Variants in SCFD2 observed in about 807,000 individuals in gnomAD.
The protein encoded by SCFD2 is sec1 family domain-containing protein 2.
A neutral mutation model predicts 58.9 loss-of-function variants in SCFD2; 54 were observed. The observed-to-expected ratio is 0.92, with a 90% CI of 0.74 to 1.15. The LOEUF is 1.15. Among genes scored for constraint, SCFD2 ranks in the 50% most tolerant of loss-of-function variants. The pLI, the probability that SCFD2 is intolerant of heterozygous loss-of-function variation, is 0.00. For synonymous variants in SCFD2, 321 were observed against 335.9 expected, an observed-to-expected ratio of 0.96 and a Z score of 0.49; for missense variants, 805 against 836.6, an observed-to-expected ratio of 0.96 and a Z score of 0.47.
chr4:53,154,480 C>A (rs1280202349), intron 4 of SCFD2, among the ~76,000 whole-genome samples: 2 of 152,188 alleles, frequency 1.3e-5, no homozygotes, highest in Non-Finnish European at 1.5e-5. Context: ...AGGGATCTGC[C>A]CTCATGATCC....
intron 3 of SCFD2, among the ~76,000 whole-genome samples, chr4:53,303,074 T>C (rs1224416207): frequency 6.6e-6 from 1 of 152,108 alleles, no homozygotes; most frequent in African/African-American, 2.4e-5. Flanking sequence ...CCAAAAGCAA[T>C]GGCAACAAAA....
At chr4:53,230,237 A>T (rs1729389390) in intron 4 of SCFD2, among the ~76,000 whole-genome samples, 1 of 152,326 alleles carries the variant, frequency 6.6e-6, no homozygotes, top group African/African-American at 2.4e-5. Flanking sequence ...ATCTAGAACT[A>T]GAAATACCAT....
chr4:53,000,551 G>T (rs1560506292), intron 5 of SCFD2, among the ~76,000 whole-genome samples: 2 of 152,256 alleles, frequency 1.3e-5, no homozygotes, highest in East Asian at 3.9e-4. Flanking sequence ...GCCAGATTGT[G>T]TACAGAGGAG....
intron 5 of SCFD2, among the ~76,000 whole-genome samples, chr4:52,931,401 G>T (rs1375100165): frequency 6.6e-6 from 1 of 152,120 alleles, no homozygotes; most frequent in Non-Finnish European, 1.5e-5. Context: ...AACTGCTTTC[G>T]TCTTCTGAAC....
At chr4:53,062,477 T>G (rs1381825588) in intron 5 of SCFD2, among the ~76,000 whole-genome samples, 6 of 152,160 alleles carry the variant, frequency 3.9e-5, no homozygotes, top group Admixed American at 3.3e-4. Context: ...TAGACAACAG[T>G]TGATTTAGAA....
chr4:52,996,434 T>TA (rs1192574339), intron 5 of SCFD2, among the ~76,000 whole-genome samples: 2 of 152,276 alleles, frequency 1.3e-5, no homozygotes, highest in Non-Finnish European at 2.9e-5. Context: ...TTTCCCTTTT[T>TA]AAAAGCTGTT....
intron 5 of SCFD2, among the ~76,000 whole-genome samples, chr4:53,036,674 C>G (rs924512841): frequency 6.6e-6 from 1 of 151,822 alleles, no homozygotes; most frequent in African/African-American, 2.4e-5. Flanking sequence ...AGGGGAACAT[C>G]ACACGCCGGG....
intron 4 of SCFD2, among the ~76,000 whole-genome samples, chr4:53,198,016 G>C (rs1001412639): frequency 8.6e-5 from 13 of 152,012 alleles, no homozygotes; most frequent in African/African-American, 3.1e-4. Context: ...GGCTTCCAAT[G>C]ACTTAACAAA....
In SCFD2 at chr4:53,065,010, T is replaced by A. The variant is rs78298114; in HGVS notation, c.1561+80323A>T. On this transcript the variant is annotated intron_variant, in intron 5 of 8. Coordinates refer to ENST00000401642, the MANE Select transcript of SCFD2 (RefSeq NM_152540.4). The stretch of plus-strand genomic sequence containing the variant: ...TGTGTGCTTTATTTTTGAAAGCATG[T>A]TGCTTTTTAGAAAAGAGCCAAAGTT... Among the ~76,000 whole-genome samples the A allele has an allele frequency of 8.3e-3, 1,270 of 152,208 alleles. 12 individuals are homozygous for A. Among genetic ancestry groups the A allele is most frequent in the African/African-American group, 0.028 (1,176 of 41,562 alleles).
intron 5 of SCFD2, among the ~76,000 whole-genome samples, chr4:52,921,788 G>C (rs1389758265): frequency 6.6e-6 from 1 of 151,984 alleles, no homozygotes; most frequent in Non-Finnish European, 1.5e-5. Flanking sequence ...CAGGCAGTTA[G>C]TCTGTCTGTC....
At chr4:53,119,714 C>T (rs1306810937) in intron 5 of SCFD2, among the ~76,000 whole-genome samples, 1 of 152,134 alleles carries the variant, frequency 6.6e-6, no homozygotes, top group Non-Finnish European at 1.5e-5. Context: ...TTCCAAACCC[C>T]TGAAGAGTGC....
At position 53,257,941 on chromosome 4, in the gene SCFD2, TC is replaced by T. The variant is rs1195001917; in HGVS notation, c.1311+15884del. Among the ~76,000 whole-genome samples the T allele has an allele frequency of 2.6e-5, 4 of 151,938 alleles. No individual in the cohort carries two copies. The East Asian group carries it at 7.7e-4, about 29-fold the overall frequency. On this transcript the variant is annotated intron_variant, in intron 4 of 8. Coordinates refer to ENST00000401642, the MANE Select transcript of SCFD2 (RefSeq NM_152540.4). The stretch of plus-strand genomic sequence containing the variant: ...AAACAGGATCAATAAAGAAAAAAAG[TC>T]CCTCCCTACATGTTATGAGATAGGG...
At chr4:53,214,703 T>A (rs1728752294) in intron 4 of SCFD2, among the ~76,000 whole-genome samples, 1 of 152,148 alleles carries the variant, frequency 6.6e-6, no homozygotes, top group African/African-American at 2.4e-5. Flanking sequence ...TTGCTTTCGG[T>A]GTTTTAGACA....
At position 53,313,739 on chromosome 4, in the gene SCFD2, C is replaced by G. The variant is rs367954002; in HGVS notation, c.1032G>C (p.Trp344Cys). The change falls in exon 3 of 9, where the codon TGG (tryptophan) becomes TGC (cysteine). Residue 344 changes from tryptophan to cysteine, a missense_variant. By Grantham distance (215) the Trp-to-Cys change is radical. This residue lies in a region of SCFD2 where 633 missense variants were observed against 646.8 expected (regional missense o/e 0.98). Coordinates refer to ENST00000401642, the MANE Select transcript of SCFD2 (RefSeq NM_152540.4). ...QSSDTTAKAL[W>C]EALLNTKHKE... ...TGTGCTTAGTGTTCAGTAAAGCTTC[C>G]CATAGGGCTTTGGCTGTGGTGTCAC... is the stretch of plus-strand genomic sequence containing the variant. 11 of 1,613,848 alleles carry G rather than the reference C, an allele frequency of 6.8e-6. No homozygotes were observed. The highest frequency in any genetic ancestry group is 9.3e-6 in the Non-Finnish European group (11 of 1,179,954).
chr4:53,244,704 C>G (rs1460568725), intron 4 of SCFD2, among the ~76,000 whole-genome samples: 2 of 151,662 alleles, frequency 1.3e-5, no homozygotes, highest in African/African-American at 4.8e-5. Flanking sequence ...CAAGAGAAAA[C>G]CAACTCCAAA....
At chr4:52,976,651 C>T (rs1721267042) in intron 5 of SCFD2, among the ~76,000 whole-genome samples, 1 of 152,084 alleles carries the variant, frequency 6.6e-6, no homozygotes, top group African/African-American at 2.4e-5. Flanking sequence ...TCCCAGTGAC[C>T]CAAACACCTA....
chr4:53,045,665 G>C (rs1279585808), intron 5 of SCFD2, among the ~76,000 whole-genome samples: 1 of 152,062 alleles, frequency 6.6e-6, no homozygotes, highest in Admixed American at 6.6e-5. Context: ...AAGGGATTTT[G>C]TGTGTGTGCT....
At chr4:52,963,517 T>C (rs1720897895) in intron 5 of SCFD2, among the ~76,000 whole-genome samples, 1 of 152,228 alleles carries the variant, frequency 6.6e-6, no homozygotes. Context: ...TTTAACTTGA[T>C]GTTTTGTTTT....
chr4:53,160,406 T>C (rs767467540), intron 4 of SCFD2, among the ~76,000 whole-genome samples: 4 of 152,224 alleles, frequency 2.6e-5, no homozygotes, highest in Non-Finnish European at 4.4e-5. Context: ...TTGAATGTAA[T>C]GTGAACTGGT....
Sources: allele counts gnomAD v4.1 joint callset (sites outside exome capture counted in the v4.1 genomes callset), GRCh38; gene constraint gnomAD v4.1.1; regional missense constraint gnomAD v4.1.1; transcripts MANE v1.5; gene names NCBI Gene and HGNC (gene_info 2026-07-23, HGNC 2026-07-21).